The following SUCLG2 variants were observed in gnomAD, a reference collection of about 807,000 sequenced individuals.
The protein encoded by SUCLG2 is succinate-CoA ligase GDP-forming subunit beta.
A neutral mutation model predicts 47.9 loss-of-function variants in SUCLG2; 42 were observed. That is an observed-to-expected ratio of 0.88 (90% confidence interval 0.69 to 1.14). SUCLG2 has a LOEUF of 1.14. Ranked by LOEUF, SUCLG2 falls within the 50% of genes most tolerant of loss-of-function variation. SUCLG2 has a pLI of 0.00. For missense variants in SUCLG2, 571 were observed against 525.9 expected (o/e 1.09, Z -0.84); for synonymous variants, 195 against 197.3 (o/e 0.99, Z 0.10).
intron 9 of SUCLG2, among the ~76,000 whole-genome samples, chr3:67,460,979 C>G (rs1704317670): frequency 6.6e-6 from 1 of 152,082 alleles, no homozygotes; most frequent in Admixed American, 6.6e-5. Context: ...TGTCTAACGT[C>G]TCTGCACTAC....
At chr3:67,370,612 A>G (rs1317101958), downstream of SUCLG2, among the ~76,000 whole-genome samples, 4 of 152,246 alleles carry the variant, frequency 2.6e-5, no homozygotes, top group African/African-American at 4.8e-5. Flanking sequence ...TACACATAGC[A>G]TGTCTTTTCC....
At chr3:67,382,692 C>T (rs1251889926) in intron 10 of SUCLG2, among the ~76,000 whole-genome samples, 1 of 152,182 alleles carries the variant, frequency 6.6e-6, no homozygotes, top group Non-Finnish European at 1.5e-5. Flanking sequence ...TGGAACATAG[C>T]CAAACTGATT....
chr3:67,509,625 C>T (rs917677507), intron 6 of SUCLG2, among the ~76,000 whole-genome samples: 5 of 152,088 alleles, frequency 3.3e-5, no homozygotes, highest in Admixed American at 2.0e-4. Flanking sequence ...TGTGAGCTGG[C>T]GCTTGAAATA....
At chr3:67,573,433 C>T (rs1021298623) in intron 2 of SUCLG2, among the ~76,000 whole-genome samples, 1 of 152,232 alleles carries the variant, frequency 6.6e-6, no homozygotes, top group Non-Finnish European at 1.5e-5. Context: ...ACAGTAATCA[C>T]GTCACCATGT....
chr3:67,417,099 GA>G (rs1010346323), intron 9 of SUCLG2, among the ~76,000 whole-genome samples: 13 of 151,468 alleles, frequency 8.6e-5, no homozygotes, highest in South Asian at 2.1e-4. Context: ...GATGAGTCAT[GA>G]AAAAAAAGAG....
chr3:67,551,370 C>A (rs1707009449), intron 2 of SUCLG2, among the ~76,000 whole-genome samples: 1 of 152,160 alleles, frequency 6.6e-6, no homozygotes, highest in African/African-American at 2.4e-5. Flanking sequence ...TGACCCAAGG[C>A]CTGTGTCTTG....
chr3:67,621,353 A>G (rs1157920147), intron 1 of SUCLG2, among the ~76,000 whole-genome samples: 9 of 152,214 alleles, frequency 5.9e-5, no homozygotes, highest in Non-Finnish European at 1.3e-4. Context: ...AGTATTAGAC[A>G]CACACACACT....
intron 10 of SUCLG2, among the ~76,000 whole-genome samples, chr3:67,397,523 T>C (rs1258510109): frequency 6.6e-6 from 1 of 152,114 alleles, no homozygotes; most frequent in Non-Finnish European, 1.5e-5. Flanking sequence ...TAAAAGATGA[T>C]ATAAACAAAT....
intron 9 of SUCLG2, among the ~76,000 whole-genome samples, chr3:67,420,516 T>C (rs116731923): frequency 0.016 from 2,510 of 152,214 alleles, 64 homozygotes; most frequent in African/African-American, 0.056. Flanking sequence ...GTGTGGGAAA[T>C]AATAGACTAT....
intron 2 of SUCLG2, among the ~76,000 whole-genome samples, chr3:67,604,125 A>G (rs1708478297): frequency 6.6e-6 from 1 of 152,210 alleles, no homozygotes; most frequent in South Asian, 2.1e-4. Context: ...ATCTCACTCA[A>G]TATCTTACCA....
At chr3:67,607,551 G>C (rs1485550229) in intron 2 of SUCLG2, among the ~76,000 whole-genome samples, 1 of 152,004 alleles carries the variant, frequency 6.6e-6, no homozygotes. Context: ...TGCCACAGGT[G>C]GGGATGCTCA....
At chr3:67,577,059 GT>G (rs1180307205) in intron 2 of SUCLG2, among the ~76,000 whole-genome samples, 1 of 152,182 alleles carries the variant, frequency 6.6e-6, no homozygotes, top group African/African-American at 2.4e-5. Flanking sequence ...TGCTGGCCAG[GT>G]GCAGTGGCTC....
chr3:67,454,273 TA>T (rs1228594875), intron 9 of SUCLG2, among the ~76,000 whole-genome samples: 2 of 152,152 alleles, frequency 1.3e-5, no homozygotes, highest in African/African-American at 4.8e-5. Context: ...GTATATAGAG[TA>T]ATTGTTGAAT....
intron 9 of SUCLG2, among the ~76,000 whole-genome samples, chr3:67,493,235 G>A (rs538132087): frequency 3.9e-5 from 6 of 152,124 alleles, no homozygotes; most frequent in Non-Finnish European, 5.9e-5. Flanking sequence ...TTTGTGAAAC[G>A]AAGCCAGGAT....
At chr3:67,556,700 C>T (rs1481223331) in intron 2 of SUCLG2, among the ~76,000 whole-genome samples, 1 of 152,112 alleles carries the variant, frequency 6.6e-6, no homozygotes, top group Non-Finnish European at 1.5e-5. Context: ...GCTATAACAC[C>T]ATTATCTCCT....
chr3:67,408,717 T>G (rs115441903), intron 9 of SUCLG2: 19,645 of 1,261,120 alleles, frequency 0.016, 190 homozygotes, highest in Non-Finnish European at 0.018. Flanking sequence ...TAAGCAAAAC[T>G]GTATGGAGGA....
chr3:67,391,213 A>G (rs918422892), intron 10 of SUCLG2, among the ~76,000 whole-genome samples: 4 of 152,190 alleles, frequency 2.6e-5, no homozygotes, highest in African/African-American at 9.7e-5. Context: ...AGTTGTTGTG[A>G]ACATAAACAT....
chr3:67,598,989 G>A (rs936648205), intron 2 of SUCLG2, among the ~76,000 whole-genome samples: 4 of 152,190 alleles, frequency 2.6e-5, no homozygotes, highest in Non-Finnish European at 4.4e-5. Context: ...GTGATAAGAT[G>A]AGCCACAAAA....
chr3:67,465,106 G>C (rs1053618365), intron 9 of SUCLG2, among the ~76,000 whole-genome samples: 1 of 152,168 alleles, frequency 6.6e-6, no homozygotes. Context: ...AATTCAAATG[G>C]AGGCAATTTG....
Sources: allele counts gnomAD v4.1 joint callset (sites outside exome capture counted in the v4.1 genomes callset), GRCh38; gene constraint gnomAD v4.1.1; transcripts MANE v1.5; gene names NCBI Gene and HGNC (gene_info 2026-07-23, HGNC 2026-07-21).